The following SLC12A7 variants were observed in gnomAD, a reference collection of about 807,000 sequenced individuals.
The protein encoded by SLC12A7 is K-Cl cotransporter 4.
A neutral mutation model predicts 120.6 loss-of-function variants in SLC12A7; 100 were observed. The observed-to-expected ratio is 0.83, with a 90% CI of 0.71 to 0.98. The LOEUF is 0.98. SLC12A7 is among the 50% of genes least tolerant of loss of function. SLC12A7 has a pLI of 0.00. For missense variants in SLC12A7, 1,373 were observed against 1,548.1 expected, an observed-to-expected ratio of 0.89 and a Z score of 1.90; for synonymous variants, 760 against 678.0, an observed-to-expected ratio of 1.12 and a Z score of -1.88.
intron 7 of SLC12A7, among the ~76,000 whole-genome samples, chr5:1,084,190 C>CGGGGACT (rs1739550608): frequency 6.6e-6 from 1 of 150,656 alleles, no homozygotes; most frequent in African/African-American, 2.5e-5. Context: ...GACCAGGGAC[C>CGGGGACT]GGGGACCAGG....
chr5:1,123,698 T>G, the SLC12A7 span, among the ~76,000 whole-genome samples: 1 of 152,232 alleles, frequency 6.6e-6, no homozygotes. Context: ...ACGTCACGTG[T>G]GTTGGCCAAG....
At chr5:1,057,821 C>T (rs1278497409) in intron 21 of SLC12A7, among the ~76,000 whole-genome samples, 172 bp from the exon 22 acceptor site, 1 of 152,192 alleles carries the variant, frequency 6.6e-6, no homozygotes, top group African/African-American at 2.4e-5. Context: ...GCCCCCGTGA[C>T]TGCCTCCCTC....
the SLC12A7 span, among the ~76,000 whole-genome samples, chr5:1,119,366 G>A: frequency 1.3e-5 from 2 of 152,192 alleles, no homozygotes; most frequent in Non-Finnish European, 2.9e-5. Context: ...TGAGGACCCC[G>A]TGATCCCACC....
rs750852662 is a variant in SLC12A7, at chr5:1,085,410, T to C, written c.739A>G (p.Met247Val). 4 of 1,610,200 alleles carry C rather than the reference T, an allele frequency of 2.5e-6. No individual in the cohort carries two copies. Among genetic ancestry groups the C allele is most frequent in the African/African-American group, 2.7e-5 (2 of 74,878 alleles). ...AEAAGGEAAA[M>V]LHNMRVYGTC... ...CCGTACACACGCATGTTGTGCAGCA[T>C]GGCGGCCGCCTCGCCACCTGCAGCC... The change falls in exon 7 of 24, where the codon ATG becomes GTG. Residue 247 changes from methionine to valine, a missense_variant. Physicochemically the swap from Met to Val is conservative, Grantham distance 21. Transcript: ENST00000264930.
the SLC12A7 span, among the ~76,000 whole-genome samples, chr5:1,138,608 C>A: frequency 6.6e-6 from 1 of 152,162 alleles, no homozygotes; most frequent in Non-Finnish European, 1.5e-5. Flanking sequence ...TAAACTGGGG[C>A]GACTTCAGCT....
chr5:1,141,653 T>A, the SLC12A7 span, among the ~76,000 whole-genome samples: 1 of 152,182 alleles, frequency 6.6e-6, no homozygotes, highest in Non-Finnish European at 1.5e-5. Flanking sequence ...AAGTTAAAAT[T>A]TTTTTTAAAA....
the SLC12A7 span, among the ~76,000 whole-genome samples, chr5:1,143,347 G>A: frequency 1.3e-5 from 2 of 152,224 alleles, no homozygotes; most frequent in African/African-American, 4.8e-5. Context: ...GGGGCTGGAA[G>A]TCCCAGACCA....
intron 15 of SLC12A7, 116 bp from the exon 16 acceptor site, chr5:1,074,787 G>A (rs1738137190): frequency 2.1e-6 from 2 of 949,308 alleles, no homozygotes; most frequent in South Asian, 3.1e-5. Flanking sequence ...CCCAGGAAAA[G>A]TCCCTGGATG....
At chr5:1,088,403 G>A (rs1295299327) in intron 4 of SLC12A7, 43 bp from the exon 5 acceptor site, 1 of 1,550,076 alleles carries the variant, frequency 6.5e-7, no homozygotes. Context: ...TTTTCCAACA[G>A]CCTGCCGGCA....
At chr5:1,080,673 C>G (rs1290652095) in intron 9 of SLC12A7, among the ~76,000 whole-genome samples, 1 of 152,216 alleles carries the variant, frequency 6.6e-6, no homozygotes, top group Admixed American at 6.5e-5. Context: ...TCGAAGAGCA[C>G]GGGGCCTGGC....
the SLC12A7 span, among the ~76,000 whole-genome samples, chr5:1,132,564 C>A: frequency 6.6e-6 from 1 of 152,106 alleles, no homozygotes; most frequent in Non-Finnish European, 1.5e-5. Flanking sequence ...TGAACTAACA[C>A]CCGGGCTGTT....
the SLC12A7 span, among the ~76,000 whole-genome samples, chr5:1,129,727 T>C: frequency 1.4e-4 from 22 of 152,268 alleles, no homozygotes; most frequent in African/African-American, 5.3e-4. Context: ...GTCACCCTGA[T>C]GGGATGTAAT....
At position 1,056,004 on chromosome 5, in the gene SLC12A7, C is replaced by T. The variant is rs370521719; in HGVS notation, c.3026+1467G>A. Among the ~76,000 whole-genome samples, 56 of 152,260 alleles carry T rather than the reference C, an allele frequency of 3.7e-4. 2 individuals carry two copies. The highest frequency in any genetic ancestry group is 1.1e-3 in the African/African-American group (44 of 41,566). On this transcript the variant is annotated intron_variant, in intron 22 of 23. Coordinates refer to ENST00000264930, the MANE Select transcript of SLC12A7 (RefSeq NM_006598.3). ...AAAACATGGCCCAGGCGGTTACTGGCGGGGGCAGGCAGGGGACAGAGACGG... is the reference window on the plus strand; with the variant it reads ...AAAACATGGCCCAGGCGGTTACTGGTGGGGGCAGGCAGGGGACAGAGACGG...
At position 1,065,625 on chromosome 5, in the gene SLC12A7, T is replaced by C; in HGVS notation, c.2242-147A>G. 1.3e-5 allele frequency: 8 copies of C among 624,732 alleles called. No individual in the cohort carries two copies. In the South Asian group the frequency reaches 1.5e-4, roughly 12 times the overall value. 38.7% of individuals were successfully genotyped at this position (624,732 alleles called of 1,614,324 possible). ...CCGAAGGCTCAACGGTGTGCTGCGG[T>C]GCTCCCGGCCGCTGTGTGTGTATGT... On this transcript the variant is annotated intron_variant, in intron 17 of 23. Transcript: ENST00000264930.
chr5:1,065,408 C>CGGAT lies in SLC12A7; in HGVS notation c.2311_2312insATCC (p.Arg771HisfsTer146), dbSNP rs1561045060. The CGGAT allele has an allele frequency of 6.2e-7, 1 of 1,612,496 alleles. No homozygotes were observed. Among genetic ancestry groups the CGGAT allele is most frequent in the South Asian group, 1.1e-5 (1 of 91,038 alleles). ...CTGGATCAGGTGGGACATGCCATCC[C>CGGAT]GCAGGCTGGACGAGACCACCAGCTG... On this transcript the variant is annotated frameshift_variant, in exon 18 of 24. Transcript: ENST00000264930. LOFTEE classifies it high-confidence loss of function.
At chr5:1,114,544 G>A (rs570543121), upstream of SLC12A7, among the ~76,000 whole-genome samples, 1 of 152,244 alleles carries the variant, frequency 6.6e-6, no homozygotes, top group South Asian at 2.1e-4. Flanking sequence ...TTAAATGTGC[G>A]TTGTGTGACT....
In SLC12A7 at chr5:1,064,229, C is replaced by T. The variant is rs202124307; in HGVS notation, c.2461G>A (p.Ala821Thr). Reference protein sequence around the residue: ...FVDTVRDTTAAHQALLVAKNV... With the variant: ...FVDTVRDTTATHQALLVAKNV... The stretch of plus-strand genomic sequence containing the variant: ...TTGGCCACCAGCAGAGCCTGGTGCG[C>T]GGCGGTGGTGTCGCGGACGGTGTCT... The change falls in exon 19 of 24, where the codon GCG becomes ACG. Residue 821 changes from alanine to threonine, a missense_variant. Transcript: ENST00000264930. 1.3e-4 allele frequency: 205 copies of T among 1,611,698 alleles called. No individual in the cohort carries two copies. In the East Asian group the frequency reaches 2.4e-3, roughly 19 times the overall value.
intron 1 of SLC12A7, among the ~76,000 whole-genome samples, chr5:1,109,477 C>A (rs4639275): frequency 2.0e-5 from 3 of 152,118 alleles, no homozygotes; most frequent in Admixed American, 2.0e-4. Flanking sequence ...ATAAAAGCTC[C>A]GTCCCAAGAA....
At chr5:1,097,106 G>A (rs932279862) in intron 1 of SLC12A7, among the ~76,000 whole-genome samples, 12 of 152,190 alleles carry the variant, frequency 7.9e-5, no homozygotes, top group Non-Finnish European at 1.5e-4. Flanking sequence ...TTGGGGCTCC[G>A]CTGCCCGGCC....
Sources: allele counts gnomAD v4.1 joint callset (sites outside exome capture counted in the v4.1 genomes callset), GRCh38; gene constraint gnomAD v4.1.1; transcripts MANE v1.5; gene names NCBI Gene and HGNC (gene_info 2026-07-23, HGNC 2026-07-21).